FARS2: variants seen among roughly 807,000 people sequenced by gnomAD.
FARS2 encodes phenylalanine--tRNA ligase, mitochondrial.
In FARS2, 40 loss-of-function variants were observed where a neutral mutation model predicts 46.4. The observed-to-expected ratio is 0.86, with a 90% confidence interval of 0.67 to 1.12. The LOEUF (loss-of-function observed/expected upper bound fraction) is 1.12. FARS2 is among the 50% of genes most tolerant of loss of function. The pLI, the probability that FARS2 is intolerant of heterozygous loss-of-function variation, is 0.00. For missense variants in FARS2, 513 were observed against 567.9 expected, an observed-to-expected ratio of 0.90 and a Z score of 0.98; for synonymous variants, 234 against 214.9, an observed-to-expected ratio of 1.09 and a Z score of -0.78.
chr6:5,741,063 C>T (rs78493685), intron 6 of FARS2, among the ~76,000 whole-genome samples: 7,309 of 152,270 alleles, frequency 0.048, 229 homozygotes, highest in Non-Finnish European at 0.075. Context: ...CTGGAAATGC[C>T]TGCCCTTCCT....
Position 5,368,663 on chromosome 6 carries a change from C to T in FARS2, c.93C>T (p.Ala31=). The change falls in exon 2 of 7, where the codon GCC becomes GCT. Residue 31 remains alanine (A), a synonymous_variant. Transcript: ENST00000274680. Reference sequence around the variant, plus strand: ...TCTCCAGAGGCCATCAGCACCAGGCCTGGGGATCGAGGCCTCCTGCAGCAG... The same window carrying T: ...TCTCCAGAGGCCATCAGCACCAGGCTTGGGGATCGAGGCCTCCTGCAGCAG... ...SHISRGHQHQ[A]WGSRPPAAEC... 2 of 1,614,210 alleles carry T rather than the reference C, an allele frequency of 1.2e-6. No homozygotes were observed. The highest frequency in any genetic ancestry group is 1.7e-6 in the Non-Finnish European group (2 of 1,180,040).
At chr6:5,539,904 C>T (rs1010546070) in intron 4 of FARS2, among the ~76,000 whole-genome samples, 4 of 152,162 alleles carry the variant, frequency 2.6e-5, no homozygotes, top group African/African-American at 4.8e-5. Context: ...TGGCGGTGCT[C>T]CCTCTGCTCC....
chr6:5,572,950 G>A (rs1352561500), intron 5 of FARS2, among the ~76,000 whole-genome samples: 1 of 152,082 alleles, frequency 6.6e-6, no homozygotes, highest in Non-Finnish European at 1.5e-5. Context: ...ATGCTGTCTT[G>A]TTTCAATAGT....
At chr6:5,308,974 T>C (rs1230552678) in intron 1 of FARS2, among the ~76,000 whole-genome samples, 1 of 152,130 alleles carries the variant, frequency 6.6e-6, no homozygotes, top group Non-Finnish European at 1.5e-5. Flanking sequence ...AGGGCACTAA[T>C]TCTATTCATA....
At chr6:5,660,093 C>T (rs930972032) in intron 6 of FARS2, among the ~76,000 whole-genome samples, 1 of 152,166 alleles carries the variant, frequency 6.6e-6, no homozygotes. Context: ...TGCCATCCAC[C>T]AATCTTGCAC....
chr6:5,591,893 TG>T (rs1275331877), intron 5 of FARS2, among the ~76,000 whole-genome samples: 1 of 152,220 alleles, frequency 6.6e-6, no homozygotes, highest in Non-Finnish European at 1.5e-5. Context: ...GTAAATTTCT[TG>T]TGGAAAAAGA....
In FARS2 at chr6:5,771,403, CT is replaced by C. The variant is rs763330995; in HGVS notation, c.1331del (p.Leu444ArgfsTer26). ...GGCCTTGCAGGAGGCTGCAGTCCAGCTGTTGGGTGTGGAGGGCAGGTTCTGA... is the reference window on the plus strand; with the variant it reads ...GGCCTTGCAGGAGGCTGCAGTCCAGCGTTGGGTGTGGAGGGCAGGTTCTGA... ...HQALQEAAVQ[L>X]LGVEGRF On this transcript the variant is annotated frameshift_variant, in exon 7 of 7. Coordinates refer to ENST00000274680, the MANE Select transcript of FARS2 (RefSeq NM_006567.5). LOFTEE classifies it high-confidence loss of function. 1.9e-6 allele frequency: 3 copies of C among 1,614,164 alleles called. No individual in the cohort carries two copies. The highest frequency in any genetic ancestry group is 1.7e-6 in the Non-Finnish European group (2 of 1,180,008).
chr6:5,557,713 C>T (rs1415329950), intron 5 of FARS2, among the ~76,000 whole-genome samples: 1 of 152,108 alleles, frequency 6.6e-6, no homozygotes, highest in Non-Finnish European at 1.5e-5. Context: ...AGCCTACAAT[C>T]TATCTTCTGC....
At chr6:5,621,119 G>A (rs1415013843) in intron 6 of FARS2, among the ~76,000 whole-genome samples, 1 of 152,124 alleles carries the variant, frequency 6.6e-6, no homozygotes, top group Non-Finnish European at 1.5e-5. Context: ...TGGGGTGTTT[G>A]TTTGTTTTTG....
intron 2 of FARS2, among the ~76,000 whole-genome samples, chr6:5,380,742 C>T (rs1480479058): frequency 2.0e-5 from 3 of 152,244 alleles, no homozygotes; most frequent in South Asian, 4.2e-4. Context: ...GTCTTCGCTC[C>T]GAGGCTTCGT....
At chr6:5,631,144 A>C (rs1394843609) in intron 6 of FARS2, among the ~76,000 whole-genome samples, 2 of 152,216 alleles carry the variant, frequency 1.3e-5, no homozygotes, top group African/African-American at 4.8e-5. Flanking sequence ...AAGCTGGGAA[A>C]GGAAGGTGTG....
chr6:5,733,876 C>G (rs756629752), intron 6 of FARS2, among the ~76,000 whole-genome samples: 3 of 152,168 alleles, frequency 2.0e-5, no homozygotes, highest in Non-Finnish European at 4.4e-5. Flanking sequence ...CTCTGGACTT[C>G]GTTTTCTTAC....
chr6:5,667,396 A>T (rs891507891), intron 6 of FARS2, among the ~76,000 whole-genome samples: 1 of 151,736 alleles, frequency 6.6e-6, no homozygotes, highest in African/African-American at 2.4e-5. Flanking sequence ...TGCATGCCTA[A>T]AGTCCCAGCT....
chr6:5,302,030 C>T (rs1333718934), intron 1 of FARS2, among the ~76,000 whole-genome samples: 1 of 152,118 alleles, frequency 6.6e-6, no homozygotes, highest in Non-Finnish European at 1.5e-5. Flanking sequence ...CTTAGCCATG[C>T]ACTTTTCCAG....
chr6:5,451,577 C>T (rs1171187684), intron 4 of FARS2: 1 of 151,980 alleles, frequency 6.6e-6, no homozygotes, highest in Non-Finnish European at 1.5e-5. Context: ...TTACAGGGGA[C>T]ATTGGGGACA....
At chr6:5,328,054 A>G (rs1770523761) in intron 1 of FARS2, among the ~76,000 whole-genome samples, 1 of 152,214 alleles carries the variant, frequency 6.6e-6, no homozygotes, top group African/African-American at 2.4e-5. Flanking sequence ...ACAGTAAAAG[A>G]GTACCTGCAA....
chr6:5,558,929 C>T (rs889369681), intron 5 of FARS2, among the ~76,000 whole-genome samples: 1 of 151,990 alleles, frequency 6.6e-6, no homozygotes, highest in Non-Finnish European at 1.5e-5. Context: ...AGTTTGAACT[C>T]TTGGGTAACT....
chr6:5,351,367 T>C (rs1224664106), intron 1 of FARS2, among the ~76,000 whole-genome samples: 4 of 152,194 alleles, frequency 2.6e-5, no homozygotes, highest in Non-Finnish European at 5.9e-5. Flanking sequence ...AAAACTAATT[T>C]TTCTTTGTTT....
At chr6:5,368,419 C>A in intron 1 of FARS2, 131 bp from the exon 2 acceptor site, 1 of 725,258 alleles carries the variant, frequency 1.4e-6, no homozygotes, top group East Asian at 2.5e-5. Context: ...TTGGCTCTTT[C>A]AGCTGTGTGG....
Sources: gnomAD v4.1 joint callset for allele counts (sites outside exome capture counted in the v4.1 genomes callset) on GRCh38, gnomAD v4.1.1 for gene constraint, MANE v1.5 for transcripts, NCBI Gene and HGNC (gene_info 2026-07-23, HGNC 2026-07-21) for gene names.